Variants in ZHX3 observed in about 807,000 individuals in gnomAD.
ZHX3 encodes zinc fingers and homeoboxes 3, also known as zinc fingers and homeoboxes protein 3.
A neutral mutation model predicts 64.5 loss-of-function variants in ZHX3; 20 were observed. The ratio of observed to expected loss-of-function variants is 0.31; its 90% CI spans 0.22 to 0.45. The LOEUF is 0.45. ZHX3 is among the 20% of genes least tolerant of loss of function. ZHX3 has a pLI of 1.00. For missense variants in ZHX3, 1,041 were observed against 1,195.8 expected, an observed-to-expected ratio of 0.87 and a Z score of 1.91; for synonymous variants, 423 against 461.6, an observed-to-expected ratio of 0.92 and a Z score of 1.07.
chr20:41,302,968 G>A (rs977985023), intron 1 of ZHX3, among the ~76,000 whole-genome samples: 4 of 152,380 alleles, frequency 2.6e-5, no homozygotes, highest in Admixed American at 2.6e-4. Flanking sequence ...TAGTGGTAAT[G>A]AAGAAAGCCT....
At chr20:41,292,013 TAAAAA>T (rs61168786) in intron 1 of ZHX3, among the ~76,000 whole-genome samples, 14 of 94,710 alleles carry the variant, frequency 1.5e-4, no homozygotes, top group Admixed American at 2.8e-4. Context: ...ACCTCATCTT[TAAAAA>T]AAAAAAAAAA....
chr20:41,226,486 ATGC>A lies in ZHX3; in HGVS notation c.-150-21423_-150-21421del, dbSNP rs2040280661. ...TTCCCCCTCTTGGTTATTGTGAATA[ATGC>A]TGCAGTGAATATGGGTGTGCAAATA... On this transcript the variant is annotated intron_variant, in intron 2 of 3. Transcript: ENST00000683867. The surrounding 1 kb of genome is among the most constrained non-coding windows in gnomAD (Gnocchi z 4.4). 6.6e-6 allele frequency among the ~76,000 whole-genome samples: 1 copy of A among 152,190 alleles called. No individual in the cohort carries two copies. The highest frequency in any genetic ancestry group is 1.5e-5 in the Non-Finnish European group (1 of 68,032).
intron 3 of ZHX3, among the ~76,000 whole-genome samples, chr20:41,198,437 AT>A (rs1343869614): frequency 3.3e-5 from 5 of 150,672 alleles, no homozygotes; most frequent in Admixed American, 1.3e-4. Flanking sequence ...TTTCTCTTTC[AT>A]TTTTGAAGAA....
At position 41,203,855 on chromosome 20, in the gene ZHX3, G is replaced by C. The variant is rs41283258; in HGVS notation, c.1062C>G (p.Ala354=). The change falls in exon 3 of 4, where the codon GCC becomes GCG. Residue 354 remains alanine (A), a synonymous_variant. Coordinates refer to ENST00000683867, the MANE Select transcript of ZHX3 (RefSeq NM_001384317.1). The surrounding 1 kb of genome is among the most constrained non-coding windows in gnomAD (Gnocchi z 7.1). ...AGCTGATCCCCTGCTTCAGCCTTTG[G>C]GCTGTGAACCAGATCTTGAGCTGTT... ...PEEQLKIWFT[A]QRLKQGISWS... 5,795 of 1,614,228 alleles carry C rather than the reference G, an allele frequency of 3.6e-3. 50 individuals carry two copies. Among genetic ancestry groups the C allele is most frequent in the South Asian group, 0.016 (1,498 of 91,082 alleles).
intron 3 of ZHX3, among the ~76,000 whole-genome samples, chr20:41,197,401 T>A (rs917002977): frequency 1.4e-5 from 2 of 147,436 alleles, no homozygotes; most frequent in African/African-American, 4.9e-5. Flanking sequence ...ATATATTTTA[T>A]ATATAATTGT....
chr20:41,281,111 A>C (rs2043656236), intron 1 of ZHX3, among the ~76,000 whole-genome samples: 1 of 152,252 alleles, frequency 6.6e-6, no homozygotes. Flanking sequence ...GCTAACTGTA[A>C]CAAAAGGAAA....
chr20:41,225,832 A>T (rs2040232345), intron 2 of ZHX3, among the ~76,000 whole-genome samples: 1 of 152,212 alleles, frequency 6.6e-6, no homozygotes, highest in Non-Finnish European at 1.5e-5. Context: ...TGTTAAGCAC[A>T]TTCACATTGT....
At chr20:41,187,792 T>C (rs2036651532) in intron 3 of ZHX3, among the ~76,000 whole-genome samples, 1 of 152,242 alleles carries the variant, frequency 6.6e-6, no homozygotes, top group South Asian at 2.1e-4. Flanking sequence ...TATTCTTTTA[T>C]AATTGATAGT....
chr20:41,223,597 G>C (rs1011096573), intron 2 of ZHX3, among the ~76,000 whole-genome samples: 1 of 152,166 alleles, frequency 6.6e-6, no homozygotes, highest in Non-Finnish European at 1.5e-5. Context: ...GAAATACCTC[G>C]AGAAAAATAT....
intron 2 of ZHX3, among the ~76,000 whole-genome samples, chr20:41,215,133 C>T (rs2039426894): frequency 6.6e-6 from 1 of 152,062 alleles, no homozygotes; most frequent in Admixed American, 6.6e-5. Flanking sequence ...TGATGTGTGG[C>T]TATAATCCCA....
At chr20:41,196,039 A>G (rs571042072) in intron 3 of ZHX3, among the ~76,000 whole-genome samples, 1 of 151,780 alleles carries the variant, frequency 6.6e-6, no homozygotes, top group African/African-American at 2.4e-5. Flanking sequence ...TTCCATGTGA[A>G]TTTGAGAAGA....
At chr20:41,283,435 T>A (rs886144535) in intron 1 of ZHX3, among the ~76,000 whole-genome samples, 7 of 152,082 alleles carry the variant, frequency 4.6e-5, no homozygotes, top group Non-Finnish European at 1.0e-4. Context: ...CAAATGCATC[T>A]CCTGGGGAGA....
rs552398388 is a variant in ZHX3 at position 41,290,387 on chromosome 20, T to C, written c.-244-21304A>G. 3.3e-5 allele frequency: 5 copies of C among 152,374 alleles called. No homozygotes were observed. The East Asian group carries it at 9.6e-4, about 29-fold the overall frequency. 9.4% of individuals were successfully genotyped at this position (152,374 alleles called of 1,614,324 possible). A position where few individuals can be genotyped will look rare whatever the true frequency, so the allele number is the denominator to read the frequency against. On this transcript the variant is annotated intron_variant, in intron 1 of 3. Transcript: ENST00000683867. ...GTTTTGACCTTCTTTGTTTCTGACC[T>C]AGACAGGTTCACTCCTCCTTAGGCA...
intron 2 of ZHX3, among the ~76,000 whole-genome samples, chr20:41,227,192 G>A (rs1019357311): frequency 2.0e-5 from 3 of 152,124 alleles, no homozygotes; most frequent in African/African-American, 4.8e-5. Context: ...GTCCTGGGGT[G>A]GGGGGCAGCA....
rs2040269089 is a variant in ZHX3, at chr20:41,226,335, G to A, written c.-150-21269C>T. 6.6e-6 allele frequency among the ~76,000 whole-genome samples: 1 copy of A among 151,936 alleles called. No homozygotes were observed. Among genetic ancestry groups the A allele is most frequent in the African/African-American group, 2.4e-5 (1 of 41,354 alleles). ...CGCGCCACTGAACTCCAGCCTGGGT[G>A]ACAGGGCAATACTCTATTTCAAAAA... On this transcript the variant is annotated intron_variant, in intron 2 of 3. Coordinates refer to ENST00000683867, the MANE Select transcript of ZHX3 (RefSeq NM_001384317.1). This position sits in a 1 kb window ranked among gnomAD's most constrained non-coding sequence, Gnocchi z 4.4.
intron 1 of ZHX3, among the ~76,000 whole-genome samples, chr20:41,282,569 G>A (rs569681470): frequency 6.6e-6 from 1 of 151,920 alleles, no homozygotes; most frequent in South Asian, 2.1e-4. Flanking sequence ...CATGTTGGGC[G>A]GGCTGTTCTC....
chr20:41,305,141 G>T (rs1305700699), intron 1 of ZHX3, among the ~76,000 whole-genome samples: 1 of 152,196 alleles, frequency 6.6e-6, no homozygotes, highest in African/African-American at 2.4e-5. Context: ...AAGATTAAGG[G>T]TCTTGTCTAG....
intron 2 of ZHX3, among the ~76,000 whole-genome samples, chr20:41,205,309 T>C (rs2038609810): frequency 6.6e-6 from 1 of 152,190 alleles, no homozygotes; most frequent in Non-Finnish European, 1.5e-5. Flanking sequence ...TTTTTGTTTC[T>C]TCCCCACCAC....
At position 41,235,971 on chromosome 20, in the gene ZHX3, C is replaced by T. The variant is rs952547514; in HGVS notation, c.-150-30905G>A. On this transcript the variant is annotated intron_variant, in intron 2 of 3. Transcript: ENST00000683867. Reference sequence around the variant, plus strand: ...CAAAAATCACAAGCATTCCGATACACCAATAACAGACAAACAGAGAGCCAA... The same window carrying T: ...CAAAAATCACAAGCATTCCGATACATCAATAACAGACAAACAGAGAGCCAA... 6.1e-4 allele frequency among the ~76,000 whole-genome samples: 93 copies of T among 152,270 alleles called. 1 individual carries two copies. The highest frequency in any genetic ancestry group is 2.1e-3 in the African/African-American group (89 of 41,536).
Sources: gnomAD v4.1 joint callset for allele counts (sites outside exome capture counted in the v4.1 genomes callset) on GRCh38, gnomAD v4.1.1 for gene constraint, Gnocchi (gnomAD v3.1) non-coding constraint, MANE v1.5 for transcripts, NCBI Gene and HGNC (gene_info 2026-07-23, HGNC 2026-07-21) for gene names.